The following TMC1 variants were observed in gnomAD, a reference collection of about 807,000 sequenced individuals.
The protein encoded by TMC1 is transmembrane channel like 1.
In TMC1, 84 loss-of-function variants were observed where a neutral mutation model predicts 105.8. The ratio of observed to expected loss-of-function variants is 0.79; its 90% confidence interval spans 0.67 to 0.95. The LOEUF is 0.95. Ranked by LOEUF, TMC1 falls within the 40% of genes least tolerant of loss-of-function variation. TMC1 has a pLI of 0.00. For missense variants in TMC1, 817 were observed against 914.1 expected, an observed-to-expected ratio of 0.89 and a Z score of 1.37; for synonymous variants, 315 against 311.5, an observed-to-expected ratio of 1.01 and a Z score of -0.12.
chr9:72,523,192 A>G (rs1248919941), intron 1 of TMC1, among the ~76,000 whole-genome samples: 1 of 152,128 alleles, frequency 6.6e-6, no homozygotes, highest in Admixed American at 6.5e-5. Flanking sequence ...AGGAAAAATT[A>G]GGAAATGAAG....
At chr9:72,747,798 G>T (rs1405853289) in intron 10 of TMC1, among the ~76,000 whole-genome samples, 6 of 152,128 alleles carry the variant, frequency 3.9e-5, no homozygotes, top group African/African-American at 1.4e-4. Flanking sequence ...GTTTCAACAT[G>T]TTGACCAGGC....
At chr9:72,563,899 C>CAAAAAA (rs71357586) in intron 1 of TMC1, among the ~76,000 whole-genome samples, 2 of 52,162 alleles carry the variant, frequency 3.8e-5, no homozygotes, top group African/African-American at 8.0e-5. Context: ...AACTCTGGCT[C>CAAAAAA]AAAAAAAAAA....
chr9:72,617,323 G>A (rs1410708170), intron 3 of TMC1, among the ~76,000 whole-genome samples: 4 of 151,974 alleles, frequency 2.6e-5, no homozygotes, highest in East Asian at 3.9e-4. Flanking sequence ...CACCATGTCC[G>A]GCTAATTTTT....
At chr9:72,607,792 A>G (rs1353587923) in intron 2 of TMC1, 2 of 152,064 alleles carry the variant, frequency 1.3e-5, no homozygotes, top group Non-Finnish European at 2.9e-5. Context: ...CAAAGAAAAA[A>G]AAAAGATTAT....
At chr9:72,575,492 A>G (rs554285233) in intron 1 of TMC1, among the ~76,000 whole-genome samples, 127 of 152,264 alleles carry the variant, frequency 8.3e-4, no homozygotes, top group African/African-American at 2.9e-3. Flanking sequence ...GATAAGGTTT[A>G]AAGATTAAAT....
chr9:72,622,015 A>T (rs1825259434), intron 3 of TMC1, among the ~76,000 whole-genome samples: 1 of 152,102 alleles, frequency 6.6e-6, no homozygotes, highest in Non-Finnish European at 1.5e-5. Flanking sequence ...ACCCTTGTTT[A>T]TCTTGCTTTG....
intron 13 of TMC1, among the ~76,000 whole-genome samples, chr9:72,774,986 G>A (rs112318563): frequency 5.3e-5 from 8 of 152,220 alleles, no homozygotes; most frequent in South Asian, 2.1e-4. Context: ...TTCTGTTAGC[G>A]TCTGCATACT....
chr9:72,678,969 G>A (rs550865874), intron 5 of TMC1, among the ~76,000 whole-genome samples: 1 of 152,108 alleles, frequency 6.6e-6, no homozygotes, highest in African/African-American at 2.4e-5. Flanking sequence ...TAGTATGTTT[G>A]TATGTGACAT....
Position 72,740,149 on chromosome 9 carries a change from A to T in TMC1, c.393A>T (p.Glu131Asp). The T allele has an allele frequency of 6.2e-7, 1 of 1,613,702 alleles. No individual in the cohort carries two copies. The highest frequency in any genetic ancestry group is 1.1e-5 in the South Asian group (1 of 91,070). Residue 131 changes from glutamate to aspartate, a missense_variant, in exon 9 of 24, where the codon GAA becomes GAT. By Grantham distance (45) the Glu-to-Asp change is conservative. Transcript: ENST00000297784. ...CAAAAAAATTTGTGAGTGAAAATGA[A>T]GGGGCTCTTGGGAAAGGAAAAGGAA... ...KEAKKFVSEN[E>D]GALGKGKGKR...
chr9:72,593,179 A>G (rs1169359897), intron 2 of TMC1, among the ~76,000 whole-genome samples: 1 of 152,164 alleles, frequency 6.6e-6, no homozygotes, highest in Non-Finnish European at 1.5e-5. Flanking sequence ...AGTTTTATTG[A>G]AAGAACACAT....
At chr9:72,571,493 G>T (rs1162610344) in intron 1 of TMC1, among the ~76,000 whole-genome samples, 1 of 147,528 alleles carries the variant, frequency 6.8e-6, no homozygotes, top group Non-Finnish European at 1.5e-5. Flanking sequence ...TGTCGCCCAG[G>T]CTGGAGTGCA....
intron 5 of TMC1, chr9:72,655,805 G>T (rs765189574): frequency 1.3e-5 from 8 of 618,006 alleles, no homozygotes; most frequent in Non-Finnish European, 2.1e-5. Flanking sequence ...TTTTTCAACT[G>T]GTAATTAATT....
chr9:72,702,227 A>G (rs900353212), intron 8 of TMC1, among the ~76,000 whole-genome samples: 4 of 152,176 alleles, frequency 2.6e-5, no homozygotes, highest in Non-Finnish European at 4.4e-5. Flanking sequence ...CTTCCAAAAT[A>G]TATGATTGAA....
chr9:72,756,407 CT>C (rs1827677627), intron 12 of TMC1, among the ~76,000 whole-genome samples: 1 of 152,166 alleles, frequency 6.6e-6, no homozygotes, highest in African/African-American at 2.4e-5. Flanking sequence ...AAGAGATGGC[CT>C]CTGAGTTGGA....
chr9:72,653,839 G>A (rs550405651), intron 5 of TMC1, among the ~76,000 whole-genome samples: 12 of 152,200 alleles, frequency 7.9e-5, no homozygotes, highest in East Asian at 3.9e-4. Context: ...TTTTGTCAGC[G>A]TAAATTAGTT....
intron 3 of TMC1, among the ~76,000 whole-genome samples, chr9:72,624,451 C>T (rs111898970): frequency 3.3e-5 from 5 of 152,256 alleles, no homozygotes; most frequent in South Asian, 2.1e-4. Flanking sequence ...CTTGTCCTGT[C>T]GAAATGGCCA....
In TMC1 at chr9:72,660,664, A is replaced by G. The variant is rs529688338; in HGVS notation, c.16+12000A>G. Among the ~76,000 whole-genome samples the G allele has an allele frequency of 1.3e-4, 20 of 152,320 alleles. No homozygotes were observed. In the South Asian group the frequency reaches 4.1e-3, roughly 32 times the overall value. On this transcript the variant is annotated intron_variant, in intron 5 of 23. Transcript: ENST00000297784. ...TCTAGGTTTTCATATCTTTATGGCA[A>G]TATGAATAGACAAGGCTCTTCTTGC...
intron 1 of TMC1, among the ~76,000 whole-genome samples, chr9:72,548,728 G>A (rs954257542): frequency 5.1e-4 from 78 of 152,200 alleles, no homozygotes; most frequent in African/African-American, 1.7e-3. Flanking sequence ...GCTCACGCCT[G>A]TAATCCCAGA....
chr9:72,617,909 G>T (rs1188860316), intron 3 of TMC1, among the ~76,000 whole-genome samples: 2 of 10,948 alleles, frequency 1.8e-4, no homozygotes, highest in African/African-American at 1.3e-3. Context: ...TCTATGTGTG[G>T]TGTGTGTGTG....
Sources: allele counts gnomAD v4.1 joint callset (sites outside exome capture counted in the v4.1 genomes callset), GRCh38; gene constraint gnomAD v4.1.1; transcripts MANE v1.5; gene names NCBI Gene and HGNC (gene_info 2026-07-23, HGNC 2026-07-21).